The following SPON1 variants were observed in gnomAD, a reference collection of about 807,000 sequenced individuals.
SPON1 encodes spondin-1.
Under a neutral mutation model 111.7 loss-of-function variants are expected in SPON1, and 52 were observed. The observed-to-expected ratio is 0.47, with a 90% CI of 0.37 to 0.59. SPON1 has a LOEUF of 0.59. Among genes scored for constraint, SPON1 ranks in the 20% least tolerant of loss-of-function variants. The pLI is 0.00. For synonymous variants in SPON1, 410 were observed against 395.8 expected, an observed-to-expected ratio of 1.04 and a Z score of -0.43; for missense variants, 957 against 1,068.5, an observed-to-expected ratio of 0.90 and a Z score of 1.46.
At chr11:14,126,693 C>T (rs1483860676) in intron 5 of SPON1, among the ~76,000 whole-genome samples, 1 of 152,128 alleles carries the variant, frequency 6.6e-6, no homozygotes, top group Admixed American at 6.5e-5. Flanking sequence ...GATAGTCTGC[C>T]GCTTCCCCCT....
chr11:14,093,639 C>T (rs1209688917), intron 5 of SPON1, among the ~76,000 whole-genome samples: 1 of 152,128 alleles, frequency 6.6e-6, no homozygotes, highest in African/African-American at 2.4e-5. Context: ...CAATGAAATT[C>T]AGCCATCTTT....
intron 6 of SPON1, among the ~76,000 whole-genome samples, chr11:14,147,613 C>T (rs1037019222): frequency 6.6e-6 from 1 of 151,966 alleles, no homozygotes; most frequent in Non-Finnish European, 1.5e-5. Flanking sequence ...GATGGGCTTT[C>T]ACCATGTTGG....
intron 5 of SPON1, among the ~76,000 whole-genome samples, chr11:14,126,299 C>G (rs1182684169): frequency 6.6e-6 from 1 of 152,200 alleles, no homozygotes; most frequent in East Asian, 1.9e-4. Flanking sequence ...ATCTACCATG[C>G]ACCCTGTCTC....
At chr11:14,138,169 G>A (rs1235815481) in intron 6 of SPON1, among the ~76,000 whole-genome samples, 2 of 151,962 alleles carry the variant, frequency 1.3e-5, no homozygotes, top group Non-Finnish European at 2.9e-5. Flanking sequence ...AAAATAAAAA[G>A]CCCTCTTTTC....
At chr11:14,211,080 A>G (rs1848570336) in intron 6 of SPON1, among the ~76,000 whole-genome samples, 1 of 152,204 alleles carries the variant, frequency 6.6e-6, no homozygotes, top group African/African-American at 2.4e-5. Context: ...TGTCTTGGCT[A>G]TACGGGCTCT....
intron 2 of SPON1, among the ~76,000 whole-genome samples, chr11:14,023,059 G>C (rs1456178321): frequency 6.6e-6 from 1 of 152,178 alleles, no homozygotes; most frequent in African/African-American, 2.4e-5. Context: ...CTGAGGTGGA[G>C]GGAGCTCTGC....
At chr11:14,110,404 G>A (rs547381086) in intron 5 of SPON1, among the ~76,000 whole-genome samples, 1 of 152,072 alleles carries the variant, frequency 6.6e-6, no homozygotes, top group Non-Finnish European at 1.5e-5. Context: ...CCTACTCCTG[G>A]TACCAAAATC....
chr11:13,963,169 GGA>G, intron 1 of SPON1, 27 bp downstream of exon 1: 1 of 1,458,268 alleles, frequency 6.9e-7, no homozygotes, highest in Non-Finnish European at 9.1e-7. Flanking sequence ...CGTGGCATTA[GGA>G]GAGCGGGACC....
In SPON1 at chr11:14,198,892, AT is replaced by A. The variant is rs140264690; in HGVS notation, c.826-44433del. Among the ~76,000 whole-genome samples, 542 of 152,260 alleles carry A rather than the reference AT, an allele frequency of 3.6e-3. 1 individual carries two copies. The highest frequency in any genetic ancestry group is 0.012 in the African/African-American group (517 of 41,536). On this transcript the variant is annotated intron_variant, in intron 6 of 15. Coordinates refer to ENST00000576479, the MANE Select transcript of SPON1 (RefSeq NM_006108.4). ...GAAAAGGTGCTTCTGTTGTATTTGCATTTTTTTAAACTGACTCGAGTAAGGC... is the reference window on the plus strand; with the variant it reads ...GAAAAGGTGCTTCTGTTGTATTTGCATTTTTTAAACTGACTCGAGTAAGGC...
At chr11:14,150,943 C>A (rs1847780450) in intron 6 of SPON1, among the ~76,000 whole-genome samples, 2 of 152,092 alleles carry the variant, frequency 1.3e-5, no homozygotes, top group Admixed American at 1.3e-4. Flanking sequence ...CCATCAGGAC[C>A]AGGATAGCAG....
chr11:14,146,410 A>G (rs1847719152), intron 6 of SPON1, among the ~76,000 whole-genome samples: 2 of 152,250 alleles, frequency 1.3e-5, no homozygotes, highest in South Asian at 2.1e-4. Context: ...TTGGCCTCCC[A>G]AAGTTCTGGG....
intron 6 of SPON1, among the ~76,000 whole-genome samples, chr11:14,180,116 C>G (rs1415338102): frequency 5.9e-5 from 9 of 152,268 alleles, no homozygotes; most frequent in African/African-American, 2.2e-4. Context: ...GGTGACCAAC[C>G]ATCCCAGTTT....
intron 2 of SPON1, among the ~76,000 whole-genome samples, chr11:14,026,452 T>A (rs1848518756): frequency 6.6e-6 from 1 of 152,244 alleles, no homozygotes; most frequent in Non-Finnish European, 1.5e-5. Flanking sequence ...TCTGCCATTG[T>A]CACTCTAAAA....
intron 5 of SPON1, among the ~76,000 whole-genome samples, chr11:14,087,269 GA>G (rs1849014474): frequency 6.6e-6 from 1 of 152,028 alleles, no homozygotes; most frequent in African/African-American, 2.4e-5. Flanking sequence ...CCTGCTTTCT[GA>G]TGTGGGATTT....
At position 14,007,906 on chromosome 11, in the gene SPON1, G is replaced by T. The variant is rs550134668; in HGVS notation, c.345+24953G>T. Among the ~76,000 whole-genome samples, 240 of 152,204 alleles carry T rather than the reference G, an allele frequency of 1.6e-3. 1 individual carries two copies. Among genetic ancestry groups the T allele is most frequent in the Admixed American group, 2.4e-3 (36 of 15,290 alleles). ...GCCTTCTCCTTGTCTCTGTCTCAAA[G>T]CTCCCTCTGCCACTCTCTTTTAAGG... On this transcript the variant is annotated intron_variant, in intron 2 of 15. Coordinates refer to ENST00000576479, the MANE Select transcript of SPON1 (RefSeq NM_006108.4).
At chr11:14,004,129 T>C (rs139926479) in intron 2 of SPON1, among the ~76,000 whole-genome samples, 188 of 152,276 alleles carry the variant, frequency 1.2e-3, no homozygotes, top group Non-Finnish European at 1.8e-3. Context: ...TGTTCTAGGC[T>C]GAATAATATT....
intron 6 of SPON1, among the ~76,000 whole-genome samples, chr11:14,203,813 AAAAG>A (rs1554935910): frequency 6.6e-6 from 1 of 152,210 alleles, no homozygotes; most frequent in Non-Finnish European, 1.5e-5. Flanking sequence ...GCACTGAGTT[AAAAG>A]AAAGGATTGA....
rs1450311191 is a variant in SPON1, at chr11:14,267,568, A to G, written c.*1881A>G. 2.6e-5 allele frequency: 4 copies of G among 152,212 alleles called. No individual in the cohort carries two copies. Among genetic ancestry groups the G allele is most frequent in the Non-Finnish European group, 5.9e-5 (4 of 68,030 alleles). The allele number at this position is 152,212 out of a possible 1,614,324, so 9.4% of individuals were successfully genotyped here. A position where few individuals can be genotyped will look rare whatever the true frequency, so the allele number is the denominator to read the frequency against. ...TTCCTAATCAAGGACAAGCCACCCT[A>G]GTGTCTCATGTTTGTATTTGGTCCC... On this transcript the variant is annotated 3_prime_UTR_variant, in exon 16 of 16. Transcript: ENST00000576479.
At chr11:14,176,730 A>G (rs1848180943) in intron 6 of SPON1, among the ~76,000 whole-genome samples, 1 of 152,164 alleles carries the variant, frequency 6.6e-6, no homozygotes, top group South Asian at 2.1e-4. Flanking sequence ...CAGTAGAGAG[A>G]GTACCAGAGT....
Sources: gnomAD v4.1 joint callset for allele counts (sites outside exome capture counted in the v4.1 genomes callset) on GRCh38, gnomAD v4.1.1 for gene constraint, MANE v1.5 for transcripts, NCBI Gene and HGNC (gene_info 2026-07-23, HGNC 2026-07-21) for gene names.